The following TXNDC8 variants were observed in gnomAD, a reference collection of about 807,000 sequenced individuals.
The protein encoded by TXNDC8 is thioredoxin domain-containing protein 8.
A neutral mutation model predicts 12.9 loss-of-function variants in TXNDC8; 15 were observed. The ratio of observed to expected loss-of-function variants is 1.16; its 90% CI spans 0.78 to 1.79. TXNDC8 has a LOEUF of 1.79. Among genes scored for constraint, TXNDC8 ranks in the 40% most tolerant of loss-of-function variants. The pLI is 0.00. For missense variants in TXNDC8, 128 were observed against 113.2 expected, an observed-to-expected ratio of 1.13 and a Z score of -0.59; for synonymous variants, 40 against 35.4, an observed-to-expected ratio of 1.13 and a Z score of -0.46.
At chr9:110,318,533 G>A (rs752461130) in intron 3 of TXNDC8, among the ~76,000 whole-genome samples, 5 of 152,074 alleles carry the variant, frequency 3.3e-5, no homozygotes, top group African/African-American at 1.2e-4. Context: ...TCAGGAGATC[G>A]AGACCATCCT....
intron 3 of TXNDC8, chr9:110,323,276 G>C (rs1290762362): frequency 1.0e-6 from 1 of 985,264 alleles, no homozygotes; most frequent in East Asian, 1.1e-4. Context: ...CAAAAAGATA[G>C]ATATCCAAAA....
chr9:110,324,164 G>A (rs1839219867), intron 3 of TXNDC8, among the ~76,000 whole-genome samples: 1 of 152,202 alleles, frequency 6.6e-6, no homozygotes, highest in African/African-American at 2.4e-5. Context: ...AGAAGGTAGG[G>A]AATGCAATCA....
chr9:110,308,901 C>T (rs905974193), intron 3 of TXNDC8, among the ~76,000 whole-genome samples: 1 of 152,152 alleles, frequency 6.6e-6, no homozygotes, highest in Non-Finnish European at 1.5e-5. Context: ...TCCTGTATTG[C>T]ATGACCTGAC....
chr9:110,322,306 G>T (rs1839133558), intron 3 of TXNDC8, among the ~76,000 whole-genome samples: 1 of 152,058 alleles, frequency 6.6e-6, no homozygotes, highest in South Asian at 2.1e-4. Context: ...CTTGTTGGGT[G>T]ACCCTGGAAT....
At chr9:110,319,471 G>A (rs907310564) in intron 3 of TXNDC8, among the ~76,000 whole-genome samples, 7 of 152,156 alleles carry the variant, frequency 4.6e-5, no homozygotes, top group African/African-American at 1.2e-4. Flanking sequence ...TCACAAATTT[G>A]TCTGACAGTT....
intron 3 of TXNDC8, among the ~76,000 whole-genome samples, chr9:110,317,762 G>A (rs771208417): frequency 1.1e-4 from 16 of 152,198 alleles, no homozygotes; most frequent in Non-Finnish European, 1.9e-4. Context: ...TATAATAAAG[G>A]TGATATTGTG....
chr9:110,313,267 T>C (rs1192330591), intron 3 of TXNDC8, among the ~76,000 whole-genome samples: 1 of 152,184 alleles, frequency 6.6e-6, no homozygotes, highest in Admixed American at 6.5e-5. Context: ...TTTTTCCTAA[T>C]TTGGAGTCAC....
intron 2 of TXNDC8, among the ~76,000 whole-genome samples, chr9:110,330,751 A>G (rs1284023721): frequency 1.3e-5 from 2 of 152,236 alleles, no homozygotes; most frequent in Non-Finnish European, 2.9e-5. Context: ...TTTGCACTAC[A>G]GCAGCAAAGT....
intron 3 of TXNDC8, chr9:110,323,240 G>C (rs887567406): frequency 1.0e-6 from 1 of 985,316 alleles, no homozygotes; most frequent in East Asian, 1.1e-4. Context: ...CTAAAGGAGA[G>C]AGGTAGAATG....
chr9:110,318,877 G>T (rs1326319640), intron 3 of TXNDC8, among the ~76,000 whole-genome samples: 4 of 152,082 alleles, frequency 2.6e-5, no homozygotes, highest in African/African-American at 7.2e-5. Flanking sequence ...TTAAATAAAG[G>T]TAAGATTTAA....
intron 3 of TXNDC8, among the ~76,000 whole-genome samples, chr9:110,318,396 C>T (rs1395340406): frequency 6.6e-6 from 1 of 152,096 alleles, no homozygotes; most frequent in African/African-American, 2.4e-5. Context: ...TATATTTCAA[C>T]AACTTAAAAT....
intron 3 of TXNDC8, among the ~76,000 whole-genome samples, chr9:110,306,772 A>G (rs1838484570): frequency 6.6e-6 from 1 of 152,186 alleles, no homozygotes; most frequent in South Asian, 2.1e-4. Context: ...CTCACTTGCT[A>G]TTCTTAACTA....
At chr9:110,314,449 T>C (rs1466870386) in intron 3 of TXNDC8, among the ~76,000 whole-genome samples, 1 of 149,962 alleles carries the variant, frequency 6.7e-6, no homozygotes, top group Non-Finnish European at 1.5e-5. Flanking sequence ...TTTTTTTTTT[T>C]TGAGATGGAG....
chr9:110,322,939 A>G lies in TXNDC8; in HGVS notation c.195+3236T>C, dbSNP rs577301649. ...ACCTCCTTCAGGTGCTTGGACTAGT[A>G]TGAGAAAAATACATGAAGATCTGAG... On this transcript the variant is annotated intron_variant, in intron 3 of 4. Transcript: ENST00000423740. The G allele has an allele frequency of 2.6e-5, 26 of 985,454 alleles. No individual in the cohort carries two copies. The East Asian group carries it at 2.8e-3, about 107-fold the overall frequency. The allele number at this position is 985,454 out of a possible 1,614,324, so 61.0% of individuals were successfully genotyped here. A position where few individuals can be genotyped will look rare whatever the true frequency, so the allele number is the denominator to read the frequency against.
chr9:110,333,310 T>C (rs953153400), intron 2 of TXNDC8, among the ~76,000 whole-genome samples: 1 of 152,192 alleles, frequency 6.6e-6, no homozygotes, highest in Non-Finnish European at 1.5e-5. Flanking sequence ...AACCGTATTC[T>C]GAACTGTGCA....
At position 110,324,044 on chromosome 9, in the gene TXNDC8, C is replaced by G. The variant is rs560972300; in HGVS notation, c.195+2131G>C. 120 of 1,541,064 alleles carry G rather than the reference C, an allele frequency of 7.8e-5. No homozygotes were observed. In the Middle Eastern group the frequency reaches 1.5e-3, roughly 19 times the overall value. On this transcript the variant is annotated intron_variant, in intron 3 of 4. Transcript: ENST00000423740. Reference sequence around the variant, plus strand: ...ATAAGAATGCAAAAGGGAGTGGTTCCTTGGAGGAAAATCAGAGTACTATTA... The same window carrying G: ...ATAAGAATGCAAAAGGGAGTGGTTCGTTGGAGGAAAATCAGAGTACTATTA...
chr9:110,332,930 T>C (rs1194724089), intron 2 of TXNDC8, among the ~76,000 whole-genome samples: 1 of 152,220 alleles, frequency 6.6e-6, no homozygotes, highest in African/African-American at 2.4e-5. Context: ...CTCATTGCAA[T>C]AACATGTATG....
chr9:110,331,830 T>C (rs1169541790), intron 2 of TXNDC8, among the ~76,000 whole-genome samples: 1 of 152,178 alleles, frequency 6.6e-6, no homozygotes, highest in Non-Finnish European at 1.5e-5. Flanking sequence ...AGGTAATGCT[T>C]ACTCGCTGGC....
chr9:110,309,654 A>G lies in TXNDC8; in HGVS notation c.196-5122T>C, dbSNP rs569347593. Among the ~76,000 whole-genome samples the G allele has an allele frequency of 4.6e-5, 7 of 152,330 alleles. No homozygotes were observed. The East Asian group carries it at 1.4e-3, about 29-fold the overall frequency. On this transcript the variant is annotated intron_variant, in intron 3 of 4. Transcript: ENST00000423740. ...CCTGGCCTAAAAAGTAATTTAAAAA[A>G]AGGCTTATCCAGGAAACACATATAA... is the stretch of plus-strand genomic sequence containing the variant.
Sources: allele counts gnomAD v4.1 joint callset (sites outside exome capture counted in the v4.1 genomes callset), GRCh38; gene constraint gnomAD v4.1.1; transcripts MANE v1.5; gene names NCBI Gene and HGNC (gene_info 2026-07-23, HGNC 2026-07-21).